The following SMYD3 variants were observed in gnomAD, a reference collection of about 807,000 sequenced individuals.
SMYD3 encodes the protein histone-lysine N-methyltransferase SMYD3.
In SMYD3, 36 loss-of-function variants were observed where a neutral mutation model predicts 57.7. The observed-to-expected ratio is 0.62, with a 90% CI of 0.48 to 0.82. SMYD3 has a LOEUF of 0.82. SMYD3 is among the 40% of genes least tolerant of loss of function. The pLI is 0.00. For missense variants in SMYD3, 515 were observed against 538.8 expected, an observed-to-expected ratio of 0.96 and a Z score of 0.44; for synonymous variants, 211 against 195.0, an observed-to-expected ratio of 1.08 and a Z score of -0.68.
intron 5 of SMYD3, among the ~76,000 whole-genome samples, chr1:246,006,754 G>A (rs947617176): frequency 2.0e-5 from 3 of 152,082 alleles, no homozygotes; most frequent in Admixed American, 1.3e-4. Flanking sequence ...GAGCTGTCTC[G>A]GAAGGAGCCC....
At chr1:246,178,886 C>T (rs2062481490) in intron 5 of SMYD3, 1 of 152,032 alleles carries the variant, frequency 6.6e-6, no homozygotes, top group Non-Finnish European at 1.5e-5. Context: ...CTGCAGCGAT[C>T]CCTATGAGGA....
intron 1 of SMYD3, among the ~76,000 whole-genome samples, chr1:246,444,354 G>A (rs2067520076): frequency 6.6e-6 from 1 of 152,038 alleles, no homozygotes; most frequent in Admixed American, 6.6e-5. Flanking sequence ...TCAAACTCCT[G>A]ACCTTGTGAT....
chr1:245,825,039 AAAACC>A (rs1052429511), intron 10 of SMYD3, among the ~76,000 whole-genome samples: 31 of 152,272 alleles, frequency 2.0e-4, no homozygotes, highest in African/African-American at 7.0e-4. Flanking sequence ...TCAAAAGAAA[AAAACC>A]AAAACAAAAC....
chr1:246,226,837 G>C (rs1161441545), intron 5 of SMYD3, among the ~76,000 whole-genome samples: 2 of 152,188 alleles, frequency 1.3e-5, no homozygotes, highest in African/African-American at 4.8e-5. Context: ...TTCTATGAAA[G>C]ATATTAAAAC....
At chr1:246,441,531 G>C (rs779287796) in intron 1 of SMYD3, among the ~76,000 whole-genome samples, 46 of 152,320 alleles carry the variant, frequency 3.0e-4, no homozygotes, top group Non-Finnish European at 4.9e-4. Flanking sequence ...AAGCATTCCA[G>C]TGGCTCAACA....
At chr1:245,765,512 C>T (rs1027693711) in intron 10 of SMYD3, among the ~76,000 whole-genome samples, 1 of 152,098 alleles carries the variant, frequency 6.6e-6, no homozygotes, top group African/African-American at 2.4e-5. Flanking sequence ...TAAGGCATAA[C>T]TTAGTATACC....
chr1:245,808,825 C>T (rs752856273), intron 10 of SMYD3, among the ~76,000 whole-genome samples: 30 of 152,116 alleles, frequency 2.0e-4, no homozygotes, highest in South Asian at 6.2e-4. Context: ...TGCAATGGCA[C>T]GATCTCAGCT....
At chr1:246,419,821 C>T (rs992582616) in intron 1 of SMYD3, among the ~76,000 whole-genome samples, 2 of 152,236 alleles carry the variant, frequency 1.3e-5, no homozygotes, top group Non-Finnish European at 2.9e-5. Context: ...CCGCCCCCCT[C>T]ACTCTATATC....
chr1:245,814,807 T>C (rs1030657405), intron 10 of SMYD3, among the ~76,000 whole-genome samples: 13 of 151,456 alleles, frequency 8.6e-5, no homozygotes, highest in Non-Finnish European at 1.3e-4. Context: ...TATCCCACCA[T>C]GCACACACAC....
At chr1:246,171,864 A>T (rs1316974771) in intron 5 of SMYD3, among the ~76,000 whole-genome samples, 1 of 152,174 alleles carries the variant, frequency 6.6e-6, no homozygotes, top group Admixed American at 6.6e-5. Context: ...TTAAAAAATT[A>T]ACCCAGCATG....
At chr1:246,035,982 C>T (rs181223148) in intron 5 of SMYD3, among the ~76,000 whole-genome samples, 2 of 152,222 alleles carry the variant, frequency 1.3e-5, no homozygotes, top group East Asian at 1.9e-4. Context: ...TTCAATAAAT[C>T]GAACCAACAG....
At chr1:246,080,465 C>G (rs2147834837) in intron 5 of SMYD3, among the ~76,000 whole-genome samples, 1 of 152,256 alleles carries the variant, frequency 6.6e-6, no homozygotes, top group East Asian at 1.9e-4. Context: ...TAAAACCATC[C>G]ATCCCCTCCT....
intron 10 of SMYD3, among the ~76,000 whole-genome samples, chr1:245,832,193 T>TA (rs2049875999): frequency 6.6e-6 from 1 of 152,236 alleles, no homozygotes; most frequent in Admixed American, 6.5e-5. Flanking sequence ...GGGGCTCGTT[T>TA]ATATAATGAG....
chr1:246,353,232 G>A (rs1242442694), intron 2 of SMYD3, among the ~76,000 whole-genome samples: 1 of 152,084 alleles, frequency 6.6e-6, no homozygotes, highest in Non-Finnish European at 1.5e-5. Context: ...ATTTTAATTA[G>A]AAAGTGTTAT....
intron 1 of SMYD3, among the ~76,000 whole-genome samples, chr1:246,428,342 G>C (rs1398261902): frequency 6.6e-6 from 1 of 151,986 alleles, no homozygotes; most frequent in Non-Finnish European, 1.5e-5. Flanking sequence ...TAAGAGTTAG[G>C]GTGTTTTTCA....
At chr1:246,037,509 C>T (rs1010272251) in intron 5 of SMYD3, among the ~76,000 whole-genome samples, 5 of 152,196 alleles carry the variant, frequency 3.3e-5, no homozygotes, top group African/African-American at 1.2e-4. Context: ...CCATTTCCAT[C>T]CTGCTTCAAG....
intron 1 of SMYD3, among the ~76,000 whole-genome samples, chr1:246,498,295 G>A (rs768448324): frequency 2.0e-5 from 3 of 152,144 alleles, no homozygotes; most frequent in Non-Finnish European, 4.4e-5. Context: ...CCACACATAG[G>A]AAATTAGAAA....
chr1:246,091,876 C>T (rs1573008984), intron 5 of SMYD3, among the ~76,000 whole-genome samples: 2 of 152,262 alleles, frequency 1.3e-5, no homozygotes, highest in South Asian at 4.1e-4. Flanking sequence ...ATACCTATAG[C>T]CTTTCTATTG....
intron 5 of SMYD3, among the ~76,000 whole-genome samples, chr1:246,250,189 C>T (rs1202963293): frequency 6.6e-6 from 1 of 152,228 alleles, no homozygotes; most frequent in Non-Finnish European, 1.5e-5. Flanking sequence ...CCTGGCAACA[C>T]TATCTAATCT....
Sources: gnomAD v4.1 joint callset for allele counts (sites outside exome capture counted in the v4.1 genomes callset) on GRCh38, gnomAD v4.1.1 for gene constraint, MANE v1.5 for transcripts, NCBI Gene and HGNC (gene_info 2026-07-23, HGNC 2026-07-21) for gene names.